The following PLEKHG1 variants were observed in gnomAD, a reference collection of about 807,000 sequenced individuals.
PLEKHG1 encodes the protein pleckstrin homology domain-containing family G member 1.
In PLEKHG1, 44 loss-of-function variants were observed where a neutral mutation model predicts 100.8. That is an observed-to-expected ratio of 0.44 (90% CI 0.34 to 0.56). PLEKHG1 has a LOEUF of 0.56. Among genes scored for constraint, PLEKHG1 ranks in the 20% least tolerant of loss-of-function variants. The pLI is 0.01. For synonymous variants in PLEKHG1, 640 were observed against 662.5 expected (o/e 0.97, Z 0.52); for missense variants, 1,545 against 1,720.9 (o/e 0.90, Z 1.81).
At chr6:150,651,776 T>C (rs929087067) in intron 3 of PLEKHG1, 7 of 152,082 alleles carry the variant, frequency 4.6e-5, no homozygotes, top group Non-Finnish European at 7.3e-5. Flanking sequence ...GGAGAATCAC[T>C]TGAAGCAGGG....
At chr6:150,840,062 A>G (rs753193138) in exon 16 of PLEKHG1, 1 of 1,614,156 alleles carries the variant, frequency 6.2e-7, no homozygotes, top group South Asian at 1.1e-5. Context: ...TGAGGTCAAG[A>G]TATCCCACGT....
At chr6:150,691,562 C>T (rs371962827) in intron 3 of PLEKHG1, among the ~76,000 whole-genome samples, 1 of 152,178 alleles carries the variant, frequency 6.6e-6, no homozygotes, top group Non-Finnish European at 1.5e-5. Context: ...TAGAGCTGTA[C>T]ACCCTGTAGT....
chr6:150,670,030 G>A (rs111750937), intron 3 of PLEKHG1, among the ~76,000 whole-genome samples: 3,488 of 152,242 alleles, frequency 0.023, 74 homozygotes, highest in Non-Finnish European at 0.035. Context: ...ATAACTAAGG[G>A]ATTTTTGTGT....
chr6:150,671,664 G>A (rs533028892), intron 3 of PLEKHG1, among the ~76,000 whole-genome samples: 128 of 152,304 alleles, frequency 8.4e-4, no homozygotes, highest in African/African-American at 3.0e-3. Flanking sequence ...AAAACCCCAA[G>A]TATATTATTT....
chr6:150,688,989 T>C (rs1316138674), intron 3 of PLEKHG1, among the ~76,000 whole-genome samples: 2 of 152,226 alleles, frequency 1.3e-5, no homozygotes, highest in East Asian at 1.9e-4. Context: ...TATAACTTTT[T>C]ATCACCCCAA....
chr6:150,705,963 C>T lies in PLEKHG1; in HGVS notation c.-98-27621C>T, dbSNP rs147901770. Among the ~76,000 whole-genome samples, 1,381 of 152,310 alleles carry T rather than the reference C, an allele frequency of 9.1e-3. 19 individuals are homozygous for T. The highest frequency in any genetic ancestry group is 0.045 in the South Asian group (219 of 4,818). ...CTTAAATGATCAATGTCAAAATGCA[C>T]AAATGCTCTTCCAAGTTATTCCTCT... On this transcript the variant is annotated intron_variant, in intron 3 of 3. Coordinates refer to the PLEKHG1 transcript ENST00000367326.
intron 10 of PLEKHG1, among the ~76,000 whole-genome samples, chr6:150,812,592 C>T (rs755319927): frequency 3.9e-5 from 6 of 151,968 alleles, no homozygotes; most frequent in Admixed American, 2.6e-4. Context: ...TAAGAAGGAA[C>T]GGAATGGGTA....
intron 3 of PLEKHG1, among the ~76,000 whole-genome samples, chr6:150,675,026 G>A (rs936482225): frequency 6.6e-6 from 1 of 151,980 alleles, no homozygotes; most frequent in Non-Finnish European, 1.5e-5. Context: ...ATTGCAAACC[G>A]TTTGCTATTT....
intron 10 of PLEKHG1, among the ~76,000 whole-genome samples, chr6:150,810,541 A>G (rs1787456113): frequency 8.1e-6 from 1 of 123,238 alleles, no homozygotes; most frequent in East Asian, 2.2e-4. Context: ...AAAGAAAGGA[A>G]GAAAGGAAGG....
chr6:150,625,500 T>C (rs1447101127), intron 1 of PLEKHG1, among the ~76,000 whole-genome samples: 5 of 150,654 alleles, frequency 3.3e-5, no homozygotes, highest in African/African-American at 9.9e-5. Context: ...ATCTCTCTCT[T>C]TTTTTTTAAG....
intron 1 of PLEKHG1, among the ~76,000 whole-genome samples, chr6:150,619,541 G>A (rs1174550468): frequency 6.6e-6 from 1 of 152,152 alleles, no homozygotes; most frequent in African/African-American, 2.4e-5. Context: ...AATTAATTGA[G>A]TGTTGACTGC....
At chr6:150,740,565 C>T (rs1782804443) in intron 2 of PLEKHG1, among the ~76,000 whole-genome samples, 1 of 152,284 alleles carries the variant, frequency 6.6e-6, no homozygotes, top group South Asian at 2.1e-4. Context: ...CTTAGACTAA[C>T]GTTTTTTAAA....
exon 16 of PLEKHG1, chr6:150,839,918 C>T: frequency 6.2e-7 from 1 of 1,613,984 alleles, no homozygotes; most frequent in Non-Finnish European, 8.5e-7. Context: ...ATGGCTGGGC[C>T]AGCCCTCAAG....
intron 5 of PLEKHG1, among the ~76,000 whole-genome samples, chr6:150,797,834 CAAAAAAAAAAAAAAAAAAAAAA>C (rs58218481): frequency 2.5e-4 from 6 of 23,910 alleles, no homozygotes; most frequent in East Asian, 1.1e-3. Context: ...GACTCTGTCT[CAAAAAAAAAAAAAAAAAAAAAA>C]AAAAAAAAAA....
rs550552639 is a variant in PLEKHG1, at chr6:150,820,146, T to G, written c.1408+372T>G. 2.9e-3 allele frequency among the ~76,000 whole-genome samples: 442 copies of G among 151,720 alleles called. 1 individual carries two copies. The highest frequency in any genetic ancestry group is 5.0e-3 in the Admixed American group (76 of 15,236). ...ATCGCTTGAACCCAGGAGACGGAGG[T>G]TGCAGTGAGCCAAGATCGTGCCACT... On this transcript the variant is annotated intron_variant, in intron 12 of 15. Transcript: ENST00000358517.
rs1776293918 is a variant in PLEKHG1, at chr6:150,600,432, C to G, written c.-204+415C>G. 6.6e-6 allele frequency among the ~76,000 whole-genome samples: 1 copy of G among 152,130 alleles called. No homozygotes were observed. Among genetic ancestry groups the G allele is most frequent in the Non-Finnish European group, 1.5e-5 (1 of 68,004 alleles). ...AGTTGTAGCCACCGCTTCCCCACCC[C>G]CGACTCAGCAGGACAGCCCCAGAAC... On this transcript the variant is annotated intron_variant, in intron 1 of 3. Transcript: ENST00000367326. The surrounding 1 kb of genome is among the most constrained non-coding windows in gnomAD (Gnocchi z 6.2).
intron 2 of PLEKHG1, among the ~76,000 whole-genome samples, chr6:150,641,445 T>A (rs1251106962): frequency 6.6e-6 from 1 of 152,242 alleles, no homozygotes; most frequent in Non-Finnish European, 1.5e-5. Flanking sequence ...ATGTTAGATA[T>A]GCTAATGAAG....
chr6:150,834,928 G>A lies in PLEKHG1; in HGVS notation c.3094+2723G>A, dbSNP rs370867785. Among the ~76,000 whole-genome samples, 5 of 152,264 alleles carry A rather than the reference G, an allele frequency of 3.3e-5. No individual in the cohort carries two copies. The East Asian group carries it at 5.8e-4, about 18-fold the overall frequency. Reference sequence around the variant, plus strand: ...ACTTCCTGTGCCCACTAGGCTTTCCGTCAGTTGACATGATGACTCCTTTTC... The same window carrying A: ...ACTTCCTGTGCCCACTAGGCTTTCCATCAGTTGACATGATGACTCCTTTTC... On this transcript the variant is annotated intron_variant, in intron 15 of 15. Coordinates refer to ENST00000358517, the Ensembl canonical transcript of PLEKHG1.
At position 150,830,541 on chromosome 6, in the gene PLEKHG1, A is replaced by G. The variant is rs778595418; in HGVS notation, c.1471-41A>G. On this transcript the variant is annotated intron_variant, in intron 14 of 15. Transcript: ENST00000358517. ...AATTCCTGAGTTATGTGTCTTCTCC[A>G]TGGTGCTGTGATTCAGTTGATATGT... 7 of 1,426,038 alleles carry G rather than the reference A, an allele frequency of 4.9e-6. No homozygotes were observed. The South Asian group carries it at 6.6e-5, about 13-fold the overall frequency. 88.3% of individuals were successfully genotyped at this position (1,426,038 alleles called of 1,614,324 possible).
Sources: allele counts gnomAD v4.1 joint callset (sites outside exome capture counted in the v4.1 genomes callset), GRCh38; gene constraint gnomAD v4.1.1; non-coding constraint Gnocchi (gnomAD v3.1); transcripts MANE v1.5; gene names NCBI Gene and HGNC (gene_info 2026-07-23, HGNC 2026-07-21).